Variants in HCN4 observed in about 807,000 individuals in gnomAD.
The protein encoded by HCN4 is potassium/sodium hyperpolarization-activated cyclic nucleotide-gated channel 4.
Under a neutral mutation model 76.9 loss-of-function variants are expected in HCN4, and 29 were observed. That is an observed-to-expected ratio of 0.38 (90% CI 0.28 to 0.51). The LOEUF is 0.51. HCN4 is among the 20% of genes least tolerant of loss of function. The pLI is 0.90. For missense variants in HCN4, 1,416 were observed against 1,715.2 expected (o/e 0.83, Z 3.08); for synonymous variants, 772 against 762.5 (o/e 1.01, Z -0.21).
intron 2 of HCN4, among the ~76,000 whole-genome samples, chr15:73,337,959 C>A (rs1300068914): frequency 6.6e-6 from 1 of 152,138 alleles, no homozygotes; most frequent in Non-Finnish European, 1.5e-5. Context: ...GGTGGCAGGG[C>A]TGGAGAGGTG....
chr15:73,352,051 C>T (rs2043057079), intron 1 of HCN4, among the ~76,000 whole-genome samples: 1 of 152,216 alleles, frequency 6.6e-6, no homozygotes, highest in Non-Finnish European at 1.5e-5. Flanking sequence ...TTAACTGCCC[C>T]TCACAGGCGC....
At chr15:73,358,060 A>G (rs1426562961) in intron 1 of HCN4, among the ~76,000 whole-genome samples, 4 of 152,052 alleles carry the variant, frequency 2.6e-5, no homozygotes, top group South Asian at 2.1e-4. Flanking sequence ...CTGGACACTG[A>G]GAGAAGAGAG....
chr15:73,359,174 C>T lies in HCN4; in HGVS notation c.785+8312G>A, dbSNP rs148979481. Among the ~76,000 whole-genome samples, 890 of 152,322 alleles carry T rather than the reference C, an allele frequency of 5.8e-3. 7 individuals are homozygous for T. The highest frequency in any genetic ancestry group is 0.019 in the African/African-American group (788 of 41,568). On this transcript the variant is annotated intron_variant, in intron 1 of 7. Coordinates refer to ENST00000261917, the MANE Select transcript of HCN4 (RefSeq NM_005477.3). The stretch of plus-strand genomic sequence containing the variant: ...CTGCCGTGATCAGACCTGGAGGCCC[C>T]GCTGCTTGCTCTGCAATTTGTGGTA...
chr15:73,327,132 A>G (rs1156588208), intron 4 of HCN4, among the ~76,000 whole-genome samples: 3 of 131,706 alleles, frequency 2.3e-5, no homozygotes, highest in Admixed American at 8.0e-5. Context: ...TTTGAGATGG[A>G]GTCTCCCTCT....
At chr15:73,357,973 T>C (rs901377361) in intron 1 of HCN4, among the ~76,000 whole-genome samples, 1 of 152,154 alleles carries the variant, frequency 6.6e-6, no homozygotes, top group Admixed American at 6.5e-5. Context: ...TTTGTGCTAA[T>C]GGGGTCAGGA....
intron 2 of HCN4, among the ~76,000 whole-genome samples, chr15:73,336,844 C>A (rs371298486): frequency 2.6e-4 from 40 of 152,284 alleles, no homozygotes; most frequent in African/African-American, 8.4e-4. Context: ...AGACATAAAT[C>A]AGACCATGTC....
At position 73,325,239 on chromosome 15, in the gene HCN4, G is replaced by A; in HGVS notation, c.1738-44C>T. 1 of 1,614,118 alleles carries A rather than the reference G, an allele frequency of 6.2e-7. No homozygotes were observed. Among genetic ancestry groups the A allele is most frequent in the Non-Finnish European group, 8.5e-7 (1 of 1,179,998 alleles). On this transcript the variant is annotated intron_variant, in intron 5 of 7. Coordinates refer to ENST00000261917, the MANE Select transcript of HCN4 (RefSeq NM_005477.3). This position sits in a 1 kb window ranked among gnomAD's most constrained non-coding sequence, Gnocchi z 7.4. ...TGGGACACGGGAAGGAGGTGGTGAGGGGAGCTGGCTGCCAGGAAGGCCTGG... is the reference window on the plus strand; with the variant it reads ...TGGGACACGGGAAGGAGGTGGTGAGAGGAGCTGGCTGCCAGGAAGGCCTGG...
At chr15:73,333,827 G>C (rs548671482) in intron 2 of HCN4, among the ~76,000 whole-genome samples, 3 of 152,168 alleles carry the variant, frequency 2.0e-5, no homozygotes, top group Non-Finnish European at 4.4e-5. Flanking sequence ...TGAAGATATT[G>C]TTCATCTGTT....
At chr15:73,334,300 G>T (rs1034040155) in intron 2 of HCN4, among the ~76,000 whole-genome samples, 4 of 152,168 alleles carry the variant, frequency 2.6e-5, no homozygotes, top group African/African-American at 9.7e-5. Context: ...GCTGGGGCCT[G>T]GGTCTGGGAC....
intron 1 of HCN4, among the ~76,000 whole-genome samples, chr15:73,366,002 C>T (rs1326333235): frequency 1.3e-5 from 2 of 152,182 alleles, no homozygotes; most frequent in East Asian, 3.9e-4. Context: ...GAGGCAAGCC[C>T]ACTCTTCAGG....
At position 73,325,628 on chromosome 15, in the gene HCN4, G is replaced by A. The variant is rs894437554; in HGVS notation, c.1591-184C>T. Among the ~76,000 whole-genome samples the A allele has an allele frequency of 6.6e-6, 1 of 152,128 alleles. No individual in the cohort carries two copies. The highest frequency in any genetic ancestry group is 1.5e-5 in the Non-Finnish European group (1 of 68,022). On this transcript the variant is annotated intron_variant, in intron 4 of 7. Transcript: ENST00000261917. The surrounding 1 kb of genome is among the most constrained non-coding windows in gnomAD (Gnocchi z 7.4). ...CTCACTGTGCTCAAAACAACTGCCC[G>A]GGCTCCCAGCTGCTTGGCATGGAGG...
Position 73,343,931 on chromosome 15 carries a change from G to A in HCN4, c.786-123C>T. On this transcript the variant is annotated intron_variant, in intron 1 of 7. Transcript: ENST00000261917. The surrounding 1 kb of genome is among the most constrained non-coding windows in gnomAD (Gnocchi z 5.7). ...GTCTTGGGAGGTTCTGAGACAGGAA[G>A]ACAGGCACATGGGTACCAGGGCAAG... is the stretch of plus-strand genomic sequence containing the variant. The A allele has an allele frequency of 1.0e-6, 1 of 971,736 alleles. No homozygotes were observed. The highest frequency in any genetic ancestry group is 1.9e-5 in the Admixed American group (1 of 53,646). The allele number at this position is 971,736 out of a possible 1,614,324, so 60.2% of individuals were successfully genotyped here. A position where few individuals can be genotyped will look rare whatever the true frequency, so the allele number is the denominator to read the frequency against.
In HCN4 at chr15:73,352,283, G is replaced by A. The variant is rs184348614; in HGVS notation, c.786-8475C>T. Among the ~76,000 whole-genome samples the A allele has an allele frequency of 1.9e-3, 296 of 152,308 alleles. 2 individuals carry two copies. Among genetic ancestry groups the A allele is most frequent in the African/African-American group, 6.8e-3 (282 of 41,560 alleles). On this transcript the variant is annotated intron_variant, in intron 1 of 7. Transcript: ENST00000261917. ...TGCGTGCCAAAGGCTGAGTGGCAGGGAGCCCAGCAGAAGCCACATGATGCG... is the reference window on the plus strand; with the variant it reads ...TGCGTGCCAAAGGCTGAGTGGCAGGAAGCCCAGCAGAAGCCACATGATGCG...
At chr15:73,336,172 G>A (rs866715095) in intron 2 of HCN4, among the ~76,000 whole-genome samples, 38 of 152,102 alleles carry the variant, frequency 2.5e-4, no homozygotes, top group Non-Finnish European at 1.5e-4. Flanking sequence ...TGGACAGCAC[G>A]GCTGGTAGCA....
At chr15:73,327,402 C>T (rs965656136) in intron 4 of HCN4, among the ~76,000 whole-genome samples, 2 of 152,068 alleles carry the variant, frequency 1.3e-5, no homozygotes, top group African/African-American at 2.4e-5. Context: ...TGAGCCACAG[C>T]GCCCGGCCCC....
chr15:73,350,683 C>T (rs2043051855), intron 1 of HCN4, among the ~76,000 whole-genome samples: 1 of 152,168 alleles, frequency 6.6e-6, no homozygotes. Context: ...TCTCCTCTTC[C>T]CAGTCACAGG....
rs546757534 is a variant in HCN4 at position 73,357,336 on chromosome 15, G to A, written c.785+10150C>T. 5.3e-5 allele frequency among the ~76,000 whole-genome samples: 8 copies of A among 152,198 alleles called. No homozygotes were observed. The South Asian group carries it at 1.7e-3, about 32-fold the overall frequency. On this transcript the variant is annotated intron_variant, in intron 1 of 7. Transcript: ENST00000261917. ...GAGCTACAGAGCAACCCAACAGGAT[G>A]ATGATGCCCCAGAGCCTCTGGGACA...
At chr15:73,348,772 G>C (rs1237187101) in intron 1 of HCN4, among the ~76,000 whole-genome samples, 1 of 152,130 alleles carries the variant, frequency 6.6e-6, no homozygotes, top group Non-Finnish European at 1.5e-5. Flanking sequence ...CTTTCTCCCA[G>C]GTGAGCAGCA....
intron 1 of HCN4, among the ~76,000 whole-genome samples, chr15:73,363,713 C>G (rs1368325629): frequency 6.6e-6 from 1 of 152,140 alleles, no homozygotes; most frequent in Non-Finnish European, 1.5e-5. Flanking sequence ...TTCCCAAAAC[C>G]AAGGAAAGGA....
Sources: gnomAD v4.1 joint callset for allele counts (sites outside exome capture counted in the v4.1 genomes callset) on GRCh38, gnomAD v4.1.1 for gene constraint, Gnocchi (gnomAD v3.1) non-coding constraint, MANE v1.5 for transcripts, NCBI Gene and HGNC (gene_info 2026-07-23, HGNC 2026-07-21) for gene names.